CRHBP: variants seen among roughly 807,000 people sequenced by gnomAD.
The protein encoded by CRHBP is corticotropin-releasing hormone-binding protein.
CRHBP carries 19 observed loss-of-function variants against 34.9 expected under a neutral mutation model. That is an observed-to-expected ratio of 0.55 (90% CI 0.38 to 0.80). The LOEUF is 0.80. Ranked by LOEUF, CRHBP falls within the 30% of genes least tolerant of loss-of-function variation. The probability of loss-of-function intolerance (pLI) is 0.00; values close to 1 mark genes in which losing one functional copy is unlikely to be tolerated. For missense variants in CRHBP, 328 were observed against 409.2 expected (o/e 0.80, Z 1.71); for synonymous variants, 154 against 153.4 (o/e 1.00, Z -0.03).
Position 76,969,186 on chromosome 5 carries a change from A to T in CRHBP, c.*301A>T. 1 of 249,960 alleles carries T rather than the reference A, an allele frequency of 4.0e-6. No individual in the cohort carries two copies. Among genetic ancestry groups the T allele is most frequent in the Non-Finnish European group, 7.6e-6 (1 of 131,778 alleles). The allele number at this position is 249,960 out of a possible 1,614,324, so 15.5% of individuals were successfully genotyped here. A position where few individuals can be genotyped will look rare whatever the true frequency, so the allele number is the denominator to read the frequency against. On this transcript the variant is annotated 3_prime_UTR_variant, in exon 7 of 7. Coordinates refer to ENST00000274368, the MANE Select transcript of CRHBP (RefSeq NM_001882.4). ...GTGCTACAAACCTGAAACTGGTAAG[A>T]CAAGCACAAAGCAACGTGCAATACA...
At chr5:76,953,992 A>T (rs1252919103) in intron 2 of CRHBP, 37 bp from the exon 3 acceptor site, 1 of 1,574,004 alleles carries the variant, frequency 6.4e-7, no homozygotes, top group Non-Finnish European at 8.6e-7. Context: ...CGGCGGCTGC[A>T]GCCCGGGACT....
In CRHBP at chr5:76,969,026, C is replaced by T. The variant is rs1378446046; in HGVS notation, c.*141C>T. 6.6e-6 allele frequency: 5 copies of T among 762,176 alleles called. No individual in the cohort carries two copies. Among genetic ancestry groups the T allele is most frequent in the Middle Eastern group, 7.0e-4 (2 of 2,844 alleles). The allele number at this position is 762,176 out of a possible 1,614,324, so 47.2% of individuals were successfully genotyped here. On this transcript the variant is annotated 3_prime_UTR_variant, in exon 7 of 7. Coordinates refer to ENST00000274368, the MANE Select transcript of CRHBP (RefSeq NM_001882.4). Reference sequence around the variant, plus strand: ...TTGAGCGCACGCGCGCACACACACACACACATACACACACGCATTAATTTT... The same window carrying T: ...TTGAGCGCACGCGCGCACACACACATACACATACACACACGCATTAATTTT...
chr5:76,977,259 T>C (rs2150712238), intron 3 of CRHBP, among the ~76,000 whole-genome samples: 1 of 152,354 alleles, frequency 6.6e-6, no homozygotes, highest in East Asian at 1.9e-4. Flanking sequence ...AAAGCTAATA[T>C]TTATTGAATA....
At chr5:76,975,250 G>A (rs1746007892) in intron 2 of CRHBP, among the ~76,000 whole-genome samples, 1 of 152,192 alleles carries the variant, frequency 6.6e-6, no homozygotes, top group African/African-American at 2.4e-5. Flanking sequence ...TAGCACTTAA[G>A]TGAAAATATT....
intron 3 of CRHBP, among the ~76,000 whole-genome samples, chr5:76,980,254 CAAAAAAA>C (rs574362034): frequency 1.2e-5 from 1 of 82,392 alleles, no homozygotes; most frequent in South Asian, 4.3e-4. Flanking sequence ...GACTCCGTCT[CAAAAAAA>C]AAAAAAAAAA....
rs1236772317 is a variant in CRHBP at position 76,968,703 on chromosome 5, CTT to C, written c.812-22_812-21del. The stretch of plus-strand genomic sequence containing the variant: ...GTGTGGTTTCTAACCTGCTGGGAAA[CTT>C]TTATCTTTTCCATCCATTATAGCCC... On this transcript the variant is annotated intron_variant, in intron 6 of 6. Coordinates refer to ENST00000274368, the MANE Select transcript of CRHBP (RefSeq NM_001882.4). The C allele has an allele frequency of 6.9e-6, 11 of 1,583,216 alleles. No individual in the cohort carries two copies. The East Asian group carries it at 1.8e-4, about 26-fold the overall frequency.
At chr5:76,980,712 A>G (rs746684800) in intron 3 of CRHBP, among the ~76,000 whole-genome samples, 19 of 152,188 alleles carry the variant, frequency 1.2e-4, no homozygotes, top group Admixed American at 1.0e-3. Flanking sequence ...GTGGGCCTCA[A>G]CCAATCAGCT....
chr5:76,964,326 C>T (rs1369060631), intron 6 of CRHBP, among the ~76,000 whole-genome samples: 1 of 152,184 alleles, frequency 6.6e-6, no homozygotes, highest in Admixed American at 6.5e-5. Flanking sequence ...CTTACTGTAG[C>T]CTCCTTCCTC....
chr5:76,969,710 C>T (rs114473677), downstream of CRHBP, among the ~76,000 whole-genome samples: 260 of 152,300 alleles, frequency 1.7e-3, no homozygotes, highest in Non-Finnish European at 3.0e-3. Flanking sequence ...TTTCCGCTAT[C>T]CTCAGAATAC....
intron 6 of CRHBP, among the ~76,000 whole-genome samples, 169 bp downstream of exon 6, chr5:76,963,629 C>A (rs1230188636): frequency 6.6e-6 from 1 of 152,094 alleles, no homozygotes; most frequent in Admixed American, 6.6e-5. Flanking sequence ...AGTATCTTTA[C>A]CAAAATATCC....
intron 2 of CRHBP, among the ~76,000 whole-genome samples, chr5:76,975,825 A>AAAAAAAAAAAAAAATATATAT: frequency 1.6e-5 from 1 of 61,860 alleles, no homozygotes; most frequent in East Asian, 5.2e-4. Flanking sequence ...AAAAAAAAAA[A>AAAAAAAAAAAAAAATATATAT]ATATATATAT....
chr5:76,977,338 C>T (rs914982596), intron 3 of CRHBP, among the ~76,000 whole-genome samples: 4 of 152,190 alleles, frequency 2.6e-5, no homozygotes, highest in Non-Finnish European at 5.9e-5. Flanking sequence ...ATGTTTTCTA[C>T]AAGTAGAAGG....
At chr5:76,975,845 T>TATATAC (rs1237085128) in intron 2 of CRHBP, among the ~76,000 whole-genome samples, 3 of 97,634 alleles carry the variant, frequency 3.1e-5, no homozygotes, top group African/African-American at 1.2e-4. Context: ...TATATATATA[T>TATATAC]ACACGCATAT....
intron 2 of CRHBP, 140 bp downstream of exon 2, chr5:76,953,834 C>A (rs1275999658): frequency 5.1e-6 from 6 of 1,170,224 alleles, no homozygotes; most frequent in East Asian, 2.6e-5. Flanking sequence ...AGCTAAGGAT[C>A]GGTCCGCGGA....
chr5:76,961,128 A>G (rs923097165), intron 5 of CRHBP, among the ~76,000 whole-genome samples: 7 of 152,186 alleles, frequency 4.6e-5, no homozygotes, highest in African/African-American at 1.7e-4. Flanking sequence ...TAGAACCTGA[A>G]CAAAGAAATT....
chr5:76,970,242 G>T (rs915163532), downstream of CRHBP, among the ~76,000 whole-genome samples: 1 of 152,016 alleles, frequency 6.6e-6, no homozygotes, highest in Non-Finnish European at 1.5e-5. Context: ...CACTGTGCCC[G>T]GCTAGAAAAT....
At chr5:76,953,550 T>C (rs1437508732) in intron 1 of CRHBP, 51 bp from the exon 2 acceptor site, 2 of 1,563,778 alleles carry the variant, frequency 1.3e-6, no homozygotes, top group Admixed American at 1.8e-5. Flanking sequence ...TGGTCCCCTT[T>C]TTTATCCCCA....
At chr5:76,967,758 G>T (rs1442641743) in intron 6 of CRHBP, among the ~76,000 whole-genome samples, 1 of 151,652 alleles carries the variant, frequency 6.6e-6, no homozygotes, top group African/African-American at 2.4e-5. Context: ...GGGTGCAGTG[G>T]TGTGATCTCG....
At position 76,953,680 on chromosome 5, in the gene CRHBP, A is replaced by G. The variant is rs754723862; in HGVS notation, c.161A>G (p.Tyr54Cys). 6.2e-7 allele frequency: 1 copy of G among 1,609,088 alleles called. No individual in the cohort carries two copies. The highest frequency in any genetic ancestry group is 8.5e-7 in the Non-Finnish European group (1 of 1,178,038). Residue 54 changes from tyrosine (Y) to cysteine (C), a missense_variant, in exon 2 of 7, where the codon TAC (tyrosine) becomes TGC (cysteine). Tyr to Cys is a radical substitution (Grantham distance 194). Around this residue, in one of 3 missense-constraint regions of CRHBP, gnomAD observed 173 missense variants for 172.2 expected, o/e 1.00. Coordinates refer to ENST00000274368, the MANE Select transcript of CRHBP (RefSeq NM_001882.4). Reference sequence around the variant, plus strand: ...CGGGAGCTGGCTGGGGAGCAGCCGTACCGCCGCGCTCTGCGTGAGTCGAGG... The same window carrying G: ...CGGGAGCTGGCTGGGGAGCAGCCGTGCCGCCGCGCTCTGCGTGAGTCGAGG... ...LKRELAGEQPYRRALRCLDML... is the reference protein window; with the variant it reads ...LKRELAGEQPCRRALRCLDML...
Sources: allele counts gnomAD v4.1 joint callset (sites outside exome capture counted in the v4.1 genomes callset), GRCh38; gene constraint gnomAD v4.1.1; regional missense constraint gnomAD v4.1.1; transcripts MANE v1.5; gene names NCBI Gene and HGNC (gene_info 2026-07-23, HGNC 2026-07-21).